PARD3: variants seen among roughly 807,000 people sequenced by gnomAD.
PARD3 encodes partitioning defective 3 homolog.
PARD3 carries 75 observed loss-of-function variants against 155.4 expected under a neutral mutation model. The observed-to-expected ratio is 0.48, with a 90% CI of 0.40 to 0.58. The LOEUF (loss-of-function observed/expected upper bound fraction) is 0.58, where lower values mean the gene tolerates loss of function less well. PARD3 is among the 20% of genes least tolerant of loss of function. The pLI, the probability that PARD3 is intolerant of heterozygous loss-of-function variation, is 0.00. For missense variants in PARD3, 1,642 were observed against 1,721.7 expected (o/e 0.95, Z 0.82); for synonymous variants, 576 against 610.5 (o/e 0.94, Z 0.83).
At chr10:34,238,542 G>C (rs920333538) in intron 22 of PARD3, among the ~76,000 whole-genome samples, 2 of 152,096 alleles carry the variant, frequency 1.3e-5, no homozygotes, top group Non-Finnish European at 2.9e-5. Flanking sequence ...AGACAAAGAA[G>C]CTGGTAGCCA....
chr10:34,164,082 A>C (rs1040782789), intron 22 of PARD3, among the ~76,000 whole-genome samples: 1 of 152,218 alleles, frequency 6.6e-6, no homozygotes, highest in South Asian at 2.1e-4. Context: ...AAAGACAGCG[A>C]GTAGTAAATC....
At chr10:34,790,907 A>G (rs1329892866) in intron 1 of PARD3, among the ~76,000 whole-genome samples, 4 of 152,208 alleles carry the variant, frequency 2.6e-5, no homozygotes, top group African/African-American at 4.8e-5. Context: ...AGTTATGGCC[A>G]TCCCTTCCAT....
intron 2 of PARD3, among the ~76,000 whole-genome samples, chr10:34,547,434 T>C (rs2084173934): frequency 6.6e-6 from 1 of 152,240 alleles, no homozygotes; most frequent in Non-Finnish European, 1.5e-5. Flanking sequence ...ATATACCATA[T>C]GTATTAAATA....
At chr10:34,115,904 A>G (rs1364459092) in intron 24 of PARD3, among the ~76,000 whole-genome samples, 1 of 152,016 alleles carries the variant, frequency 6.6e-6, no homozygotes, top group Non-Finnish European at 1.5e-5. Context: ...AGTAGAGACA[A>G]GGTTTCACCG....
At chr10:34,781,267 G>A (rs75175291) in intron 1 of PARD3, among the ~76,000 whole-genome samples, 2 of 152,366 alleles carry the variant, frequency 1.3e-5, no homozygotes, top group Non-Finnish European at 2.9e-5. Context: ...GCAGGAGGCA[G>A]CTGCGGTATT....
intron 22 of PARD3, among the ~76,000 whole-genome samples, chr10:34,199,153 C>T (rs1015640217): frequency 2.6e-5 from 4 of 152,146 alleles, no homozygotes; most frequent in African/African-American, 7.2e-5. Context: ...TCAGATCGTG[C>T]CTCCCAGCAT....
intron 3 of PARD3, among the ~76,000 whole-genome samples, chr10:34,508,891 C>A (rs2081242283): frequency 6.6e-6 from 1 of 152,140 alleles, no homozygotes; most frequent in Non-Finnish European, 1.5e-5. Flanking sequence ...TAGTCTAGTG[C>A]TTCTCCTGTG....
At chr10:34,755,154 C>A (rs1431423691) in intron 1 of PARD3, among the ~76,000 whole-genome samples, 1 of 151,796 alleles carries the variant, frequency 6.6e-6, no homozygotes, top group African/African-American at 2.4e-5. Flanking sequence ...GTGATCCCAG[C>A]ATTTTGGGAG....
chr10:34,769,220 A>G (rs1838518546), intron 1 of PARD3, among the ~76,000 whole-genome samples: 1 of 152,044 alleles, frequency 6.6e-6, no homozygotes, highest in African/African-American at 2.4e-5. Flanking sequence ...GCAGACCTCC[A>G]CGGATACTGA....
Position 34,318,464 on chromosome 10 carries a change from G to A in PARD3, c.2834-1126C>T, listed in dbSNP as rs145346838. On this transcript the variant is annotated intron_variant, in intron 19 of 24. Transcript: ENST00000374788. ...AACAAAGAGCCAAACAGAATGGTTC[G>A]GCCTCTTCCCAAACTTTTGCAAAGA... 2.2e-3 allele frequency among the ~76,000 whole-genome samples: 334 copies of A among 152,174 alleles called. 6 individuals carry two copies. The highest frequency in any genetic ancestry group is 0.019 in the Admixed American group (296 of 15,286).
At chr10:34,311,853 C>G (rs936376689) in intron 20 of PARD3, among the ~76,000 whole-genome samples, 5 of 152,148 alleles carry the variant, frequency 3.3e-5, no homozygotes, top group African/African-American at 4.8e-5. Flanking sequence ...TGAATCTATC[C>G]GTTGCATCTC....
intron 15 of PARD3, 44 bp downstream of exon 15, chr10:34,347,921 A>C (rs1837600210): frequency 6.5e-7 from 1 of 1,533,330 alleles, no homozygotes; most frequent in African/African-American, 1.4e-5. Flanking sequence ...AACCAATGAA[A>C]GCATCAAAAT....
chr10:34,588,141 A>G (rs1242251826), intron 2 of PARD3, among the ~76,000 whole-genome samples: 4 of 152,220 alleles, frequency 2.6e-5, no homozygotes, highest in African/African-American at 9.6e-5. Context: ...GAGCAATTTG[A>G]TAAGAAGGTA....
Position 34,331,358 on chromosome 10 carries a change from A to C in PARD3, c.2606-14T>G, listed in dbSNP as rs769298670. 3.2e-6 allele frequency: 5 copies of C among 1,581,366 alleles called. No individual in the cohort carries two copies. The Admixed American group carries it at 5.0e-5, about 16-fold the overall frequency. On this transcript the variant is annotated splice_polypyrimidine_tract_variant and intron_variant, in intron 18 of 24. Transcript: ENST00000374788. ...TGCTGGGAGAACCTGGGAGGTTTAC[A>C]AGAAAAAAAATGTTAGTGTGAATTA...
At chr10:34,177,234 G>A (rs566257759) in intron 22 of PARD3, among the ~76,000 whole-genome samples, 3 of 152,236 alleles carry the variant, frequency 2.0e-5, no homozygotes, top group African/African-American at 7.2e-5. Flanking sequence ...TTTCACCATA[G>A]CCCAGCAGAT....
intron 1 of PARD3, among the ~76,000 whole-genome samples, chr10:34,801,271 G>C (rs1009948254): frequency 1.3e-5 from 2 of 152,162 alleles, no homozygotes; most frequent in African/African-American, 4.8e-5. Flanking sequence ...AATAAATACA[G>C]GAAGGGATCA....
At chr10:34,390,434 T>G (rs1360769041) in intron 7 of PARD3, among the ~76,000 whole-genome samples, 1 of 152,208 alleles carries the variant, frequency 6.6e-6, no homozygotes, top group African/African-American at 2.4e-5. Context: ...ATAAAATCTC[T>G]TCTCATGATT....
At chr10:34,691,752 C>A (rs2094065979) in intron 2 of PARD3, among the ~76,000 whole-genome samples, 1 of 152,120 alleles carries the variant, frequency 6.6e-6, no homozygotes, top group Non-Finnish European at 1.5e-5. Context: ...ACACACAGAC[C>A]CATGGAACAG....
In PARD3 at chr10:34,360,137, T is replaced by A. The variant is rs187815460; in HGVS notation, c.1830A>T (p.Ser610=). ...TTCCCAAATCTGCGTGGTTCTCTTTTGACCGGTTACCTTTGACACTGACAC... is the reference window on the plus strand; with the variant it reads ...TTCCCAAATCTGCGTGGTTCTCTTTAGACCGGTTACCTTTGACACTGACAC... The part of the protein sequence containing the change: ...GLGVSVKGNR[S]KENHADLGIF... The change falls in exon 13 of 25, where the codon TCA becomes TCT. Residue 610 remains serine (S), a synonymous_variant. Coordinates refer to ENST00000374788, the MANE Select transcript of PARD3 (RefSeq NM_001184785.2). 1 of 1,614,200 alleles carries A rather than the reference T, an allele frequency of 6.2e-7. No individual in the cohort carries two copies. The highest frequency in any genetic ancestry group is 1.7e-5 in the Admixed American group (1 of 60,028).
Sources: allele counts gnomAD v4.1 joint callset (sites outside exome capture counted in the v4.1 genomes callset), GRCh38; gene constraint gnomAD v4.1.1; transcripts MANE v1.5; gene names NCBI Gene and HGNC (gene_info 2026-07-23, HGNC 2026-07-21).